Variants in FGD6 observed in about 807,000 individuals in gnomAD.
FGD6 encodes the protein FYVE, RhoGEF and PH domain-containing protein 6.
A neutral mutation model predicts 149.4 loss-of-function variants in FGD6; 90 were observed. That is an observed-to-expected ratio of 0.60 (90% CI 0.51 to 0.72). The LOEUF (loss-of-function observed/expected upper bound fraction) is 0.72. FGD6 is among the 30% of genes least tolerant of loss of function. FGD6 has a pLI of 0.00. For missense variants in FGD6, 1,437 were observed against 1,684.8 expected (o/e 0.85, Z 2.57); for synonymous variants, 527 against 584.0 (o/e 0.90, Z 1.41).
chr12:95,107,421 C>A, intron 12 of FGD6, 142 bp downstream of exon 12: 1 of 655,810 alleles, frequency 1.5e-6, no homozygotes. Context: ...ACTTGAAATG[C>A]AATTAAGTGG....
chr12:95,118,308 C>T (rs983321382), intron 8 of FGD6, among the ~76,000 whole-genome samples: 3 of 150,144 alleles, frequency 2.0e-5, no homozygotes, highest in Non-Finnish European at 4.4e-5. Flanking sequence ...GAGATTGTAC[C>T]TCTACACTCT....
At chr12:95,159,158 T>C (rs1004588247) in intron 3 of FGD6, among the ~76,000 whole-genome samples, 2 of 152,174 alleles carry the variant, frequency 1.3e-5, no homozygotes, top group African/African-American at 4.8e-5. Flanking sequence ...TTGTTTCCTC[T>C]CCTCTTTTTA....
intron 8 of FGD6, chr12:95,125,656 T>C (rs1378729897): frequency 2.7e-6 from 1 of 375,886 alleles, no homozygotes; most frequent in Non-Finnish European, 4.9e-6. Flanking sequence ...TAAATATTTA[T>C]ATTTTGTGGA....
intron 8 of FGD6, among the ~76,000 whole-genome samples, chr12:95,122,529 C>G (rs553525371): frequency 6.6e-6 from 1 of 150,818 alleles, no homozygotes; most frequent in African/African-American, 2.4e-5. Flanking sequence ...GTCTGTAATT[C>G]CAGCTACTCG....
chr12:95,138,190 C>A (rs186685648), intron 6 of FGD6, among the ~76,000 whole-genome samples: 1 of 143,672 alleles, frequency 7.0e-6, no homozygotes, highest in Non-Finnish European at 1.5e-5. Context: ...GGCAACAGAG[C>A]AAGATTCTGT....
At chr12:95,182,438 T>C (rs1881312149) in intron 2 of FGD6, among the ~76,000 whole-genome samples, 1 of 152,166 alleles carries the variant, frequency 6.6e-6, no homozygotes, top group African/African-American at 2.4e-5. Flanking sequence ...TGACCTCAGG[T>C]GATCCACCTG....
At chr12:95,090,032 T>C (rs943179478) in intron 17 of FGD6, among the ~76,000 whole-genome samples, 2 of 152,038 alleles carry the variant, frequency 1.3e-5, no homozygotes, top group Non-Finnish European at 2.9e-5. Context: ...TTGTTAAGTG[T>C]CTAGATACTA....
intron 11 of FGD6, 111 bp from the exon 12 acceptor site, chr12:95,107,742 G>A: frequency 9.4e-7 from 1 of 1,061,328 alleles, no homozygotes; most frequent in East Asian, 2.5e-5. Context: ...AGACTGGGGA[G>A]CCACAGTTTC....
Position 95,191,738 on chromosome 12 carries a change from C to T in FGD6, c.2441+17105G>A, listed in dbSNP as rs1221803944. 2.6e-5 allele frequency among the ~76,000 whole-genome samples: 4 copies of T among 152,138 alleles called. No individual in the cohort carries two copies. In the East Asian group the frequency reaches 5.8e-4, roughly 22 times the overall value. Reference sequence around the variant, plus strand: ...TAAACTACATATATCCTCCTGTATACTTTATTTATTATTATTTTGAGACAG... The same window carrying T: ...TAAACTACATATATCCTCCTGTATATTTTATTTATTATTATTTTGAGACAG... On this transcript the variant is annotated intron_variant, in intron 2 of 20. Transcript: ENST00000343958.
chr12:95,123,647 C>T (rs1294903032), intron 8 of FGD6, among the ~76,000 whole-genome samples: 8 of 151,820 alleles, frequency 5.3e-5, no homozygotes, highest in South Asian at 2.1e-4. Context: ...CTGCAAGCTC[C>T]GCCTCCTGGG....
At chr12:95,083,890 TCA>T (rs2136230037) in intron 20 of FGD6, among the ~76,000 whole-genome samples, 1 of 152,324 alleles carries the variant, frequency 6.6e-6, no homozygotes, top group East Asian at 1.9e-4. Context: ...AGACCTAATT[TCA>T]CAGAGGTAGA....
chr12:95,174,143 CG>C (rs1034814146), intron 2 of FGD6, among the ~76,000 whole-genome samples: 1 of 152,054 alleles, frequency 6.6e-6, no homozygotes, highest in Non-Finnish European at 1.5e-5. Flanking sequence ...ACTCACTCCC[CG>C]GGGGTAAGTG....
At chr12:95,165,336 C>CTT (rs764144447) in intron 3 of FGD6, among the ~76,000 whole-genome samples, 4 of 141,824 alleles carry the variant, frequency 2.8e-5, no homozygotes, top group Non-Finnish European at 6.2e-5. Flanking sequence ...TTCTTTTTTT[C>CTT]TTTTTTTTTT....
chr12:95,121,658 A>T (rs537342240), intron 8 of FGD6, among the ~76,000 whole-genome samples: 68 of 151,456 alleles, frequency 4.5e-4, no homozygotes, highest in African/African-American at 1.6e-3. Flanking sequence ...TTTGTTTTTC[A>T]AATTATTATT....
In FGD6 at chr12:95,154,221, A is replaced by G. The variant is rs949580513; in HGVS notation, c.2587-1228T>C. Among the ~76,000 whole-genome samples the G allele has an allele frequency of 3.9e-5, 6 of 152,084 alleles. No individual in the cohort carries two copies. The East Asian group carries it at 1.2e-3, about 29-fold the overall frequency. On this transcript the variant is annotated intron_variant, in intron 3 of 20. Coordinates refer to ENST00000343958, the MANE Select transcript of FGD6 (RefSeq NM_018351.4). ...GTGATCTGTCCACCTTGGCCTTCCA[A>G]AGTGTTGGGATTACAGGTGTGAGCC...
In FGD6 at chr12:95,111,302, G is replaced by A. The variant is rs552813985; in HGVS notation, c.3133+2349C>T. ...GGCCACTGCTCACCATATGATTGCT[G>A]TGCCTCTGGCCATACAGTGGGCCTC... On this transcript the variant is annotated intron_variant, in intron 9 of 20. Transcript: ENST00000343958. Among the ~76,000 whole-genome samples, 10 of 152,156 alleles carry A rather than the reference G, an allele frequency of 6.6e-5. 1 individual carries two copies. The highest frequency in any genetic ancestry group is 2.4e-4 in the African/African-American group (10 of 41,522).
intron 2 of FGD6, among the ~76,000 whole-genome samples, chr12:95,202,823 A>G (rs1464204331): frequency 6.6e-6 from 1 of 152,244 alleles, no homozygotes; most frequent in Admixed American, 6.5e-5. Flanking sequence ...TGTGGCTACA[A>G]TTCTAACACG....
chr12:95,115,400 CTTT>C (rs59390285), intron 8 of FGD6, among the ~76,000 whole-genome samples: 5 of 129,200 alleles, frequency 3.9e-5, no homozygotes, highest in Non-Finnish European at 3.2e-5. Context: ...TCCATGTCTG[CTTT>C]TTTTTTTTTT....
intron 14 of FGD6, among the ~76,000 whole-genome samples, chr12:95,097,804 C>T (rs964648980): frequency 6.6e-6 from 1 of 152,070 alleles, no homozygotes; most frequent in African/African-American, 2.4e-5. Flanking sequence ...AAGAACTGGG[C>T]ACACAAAATA....
Sources: gnomAD v4.1 joint callset for allele counts (sites outside exome capture counted in the v4.1 genomes callset) on GRCh38, gnomAD v4.1.1 for gene constraint, MANE v1.5 for transcripts, NCBI Gene and HGNC (gene_info 2026-07-23, HGNC 2026-07-21) for gene names.